The following PTPRT variants were observed in gnomAD, a reference collection of about 807,000 sequenced individuals.
PTPRT encodes the protein receptor-type tyrosine-protein phosphatase T.
In PTPRT, 56 loss-of-function variants were observed where a neutral mutation model predicts 176.8. That is an observed-to-expected ratio of 0.32 (90% confidence interval 0.26 to 0.40). The LOEUF is 0.40. Among genes scored for constraint, PTPRT ranks in the 10% least tolerant of loss-of-function variants. PTPRT has a pLI of 1.00. For synonymous variants in PTPRT, 783 were observed against 739.0 expected, an observed-to-expected ratio of 1.06 and a Z score of -0.96; for missense variants, 1,540 against 1,908.2, an observed-to-expected ratio of 0.81 and a Z score of 3.60.
In PTPRT at chr20:42,161,261, G is replaced by A. The variant is rs1007481207; in HGVS notation, c.2682+91C>T. On this transcript the variant is annotated intron_variant, in intron 17 of 30. Coordinates refer to ENST00000373187, the MANE Select transcript of PTPRT (RefSeq NM_007050.6). Reference sequence around the variant, plus strand: ...CTCCCAGGTGATACTGAGGCTGCTGGCCAGGGAGCCATACTTTTTGTAGCA... The same window carrying A: ...CTCCCAGGTGATACTGAGGCTGCTGACCAGGGAGCCATACTTTTTGTAGCA... The A allele has an allele frequency of 4.1e-6, 6 of 1,458,574 alleles. No homozygotes were observed. In the African/African-American group the frequency reaches 7.0e-5, roughly 17 times the overall value. 90.4% of individuals were successfully genotyped at this position (1,458,574 alleles called of 1,614,324 possible). A position where few individuals can be genotyped will look rare whatever the true frequency, so the allele number is the denominator to read the frequency against.
At chr20:42,460,422 C>T (rs751487220) in intron 8 of PTPRT, among the ~76,000 whole-genome samples, 7 of 152,144 alleles carry the variant, frequency 4.6e-5, no homozygotes, top group Non-Finnish European at 1.0e-4. Context: ...CTGCTACAGA[C>T]CCTCTCATGG....
chr20:42,435,045 G>C (rs77973430), intron 9 of PTPRT, among the ~76,000 whole-genome samples: 3 of 151,716 alleles, frequency 2.0e-5, no homozygotes, highest in African/African-American at 7.3e-5. Flanking sequence ...AAAAAGAAAA[G>C]AAAAAAAGCA....
chr20:42,585,450 A>AT (rs1322341669), intron 7 of PTPRT, among the ~76,000 whole-genome samples: 7 of 152,190 alleles, frequency 4.6e-5, no homozygotes, highest in Admixed American at 3.9e-4. Context: ...TGTATATGCT[A>AT]TTTTTTGACA....
At chr20:43,083,349 T>TATACATATATATATATATATATATAC (rs2011508263) in intron 1 of PTPRT, among the ~76,000 whole-genome samples, 1 of 117,402 alleles carries the variant, frequency 8.5e-6, no homozygotes, top group African/African-American at 3.5e-5. Context: ...TATATATATA[T>TATACATATATATATATATATATATAC]ATATATATAT....
At chr20:42,046,543 G>GA in the PTPRT span, among the ~76,000 whole-genome samples, 1 of 152,154 alleles carries the variant, frequency 6.6e-6, no homozygotes, top group Non-Finnish European at 1.5e-5. Flanking sequence ...CTCTGGCAGG[G>GA]ATGCTGACAG....
At chr20:42,543,047 C>T (rs2072611430) in intron 7 of PTPRT, among the ~76,000 whole-genome samples, 1 of 152,264 alleles carries the variant, frequency 6.6e-6, no homozygotes, top group South Asian at 2.1e-4. Context: ...GGTCTTGTCT[C>T]GATGTTGATG....
At chr20:42,924,212 T>A (rs1206863688) in intron 1 of PTPRT, among the ~76,000 whole-genome samples, 1 of 152,152 alleles carries the variant, frequency 6.6e-6, no homozygotes, top group Non-Finnish European at 1.5e-5. Flanking sequence ...ATATCATGAC[T>A]TTTATAACCT....
chr20:42,393,905 T>C (rs2058824502), intron 9 of PTPRT, among the ~76,000 whole-genome samples: 1 of 152,150 alleles, frequency 6.6e-6, no homozygotes, highest in Non-Finnish European at 1.5e-5. Context: ...TCAACAGAAT[T>C]GCATGGAAGA....
chr20:43,129,819 C>T (rs1044868750), intron 1 of PTPRT, among the ~76,000 whole-genome samples: 2 of 151,310 alleles, frequency 1.3e-5, no homozygotes, highest in Non-Finnish European at 2.9e-5. Context: ...GGGGTTTCAC[C>T]GTTTTAGCCG....
intron 2 of PTPRT, among the ~76,000 whole-genome samples, chr20:42,834,035 T>G (rs1163210758): frequency 6.6e-6 from 1 of 152,124 alleles, no homozygotes; most frequent in Non-Finnish European, 1.5e-5. Context: ...AATTAAAATA[T>G]TTTGCTCTGT....
At chr20:42,090,197 G>T (rs1984457482) in intron 27 of PTPRT, among the ~76,000 whole-genome samples, 1 of 151,976 alleles carries the variant, frequency 6.6e-6, no homozygotes, top group South Asian at 2.1e-4. Context: ...TTATTAGGCA[G>T]TATGGGGGAG....
At chr20:42,768,726 G>A (rs985714991) in intron 5 of PTPRT, among the ~76,000 whole-genome samples, 1 of 152,128 alleles carries the variant, frequency 6.6e-6, no homozygotes, top group Non-Finnish European at 1.5e-5. Context: ...ATCTTGTCAT[G>A]TTTTATGTCC....
At chr20:42,528,253 T>C (rs1367969685) in intron 7 of PTPRT, among the ~76,000 whole-genome samples, 1 of 152,158 alleles carries the variant, frequency 6.6e-6, no homozygotes, top group African/African-American at 2.4e-5. Context: ...TTTCATTTAT[T>C]TGGGTAGCTT....
At chr20:42,696,631 AT>A (rs1194331006) in intron 6 of PTPRT, among the ~76,000 whole-genome samples, 5 of 151,502 alleles carry the variant, frequency 3.3e-5, no homozygotes, top group Admixed American at 2.6e-4. Flanking sequence ...AATTTTTTGT[AT>A]TTTTTGTAGA....
At chr20:42,826,158 C>T (rs750205158) in intron 2 of PTPRT, among the ~76,000 whole-genome samples, 6 of 152,036 alleles carry the variant, frequency 3.9e-5, no homozygotes, top group Non-Finnish European at 7.4e-5. Context: ...GGCAAAACCA[C>T]GGGTGATCCA....
chr20:42,761,229 G>A (rs2076911152), intron 5 of PTPRT, among the ~76,000 whole-genome samples: 1 of 151,656 alleles, frequency 6.6e-6, no homozygotes, highest in Non-Finnish European at 1.5e-5. Flanking sequence ...GAGGTAGGGA[G>A]TTCAAGACCA....
intron 27 of PTPRT, among the ~76,000 whole-genome samples, chr20:42,087,872 CAA>C (rs56235565): frequency 0.082 from 7,295 of 88,892 alleles, 241 homozygotes; most frequent in South Asian, 0.24. Context: ...GACTCCATTT[CAA>C]AAAAAAAAAA....
At chr20:42,876,063 T>A (rs2078924858) in intron 2 of PTPRT, among the ~76,000 whole-genome samples, 1 of 152,184 alleles carries the variant, frequency 6.6e-6, no homozygotes, top group African/African-American at 2.4e-5. Flanking sequence ...CCTCCTTCAC[T>A]CTCTCCCTTT....
chr20:42,336,802 G>A (rs77698743), intron 11 of PTPRT, among the ~76,000 whole-genome samples: 1,954 of 152,260 alleles, frequency 0.013, 32 homozygotes, highest in African/African-American at 0.045. Flanking sequence ...AAGAACATGA[G>A]TTTATTGTTT....
Sources: gnomAD v4.1 joint callset for allele counts (sites outside exome capture counted in the v4.1 genomes callset) on GRCh38, gnomAD v4.1.1 for gene constraint, MANE v1.5 for transcripts, NCBI Gene and HGNC (gene_info 2026-07-23, HGNC 2026-07-21) for gene names.